Variants in CADM2 observed in about 807,000 individuals in gnomAD.
CADM2 encodes cell adhesion molecule 2, also known as immunoglobulin superfamily member 4D.
CADM2 carries 12 observed loss-of-function variants against 49.8 expected under a neutral mutation model. The ratio of observed to expected loss-of-function variants is 0.24; its 90% CI spans 0.15 to 0.39. The LOEUF is 0.39. Ranked by LOEUF, CADM2 falls within the 10% of genes least tolerant of loss-of-function variation. The pLI is 1.00. For missense variants in CADM2, 378 were observed against 492.3 expected (o/e 0.77, Z 2.20); for synonymous variants, 214 against 175.4 (o/e 1.22, Z -1.74).
intron 9 of CADM2, among the ~76,000 whole-genome samples, chr3:86,066,258 G>C (rs1284242865): frequency 6.7e-6 from 1 of 149,110 alleles, no homozygotes; most frequent in Non-Finnish European, 1.5e-5. Flanking sequence ...GCTTGAACCC[G>C]GGAGGCGGAG....
intron 1 of CADM2, among the ~76,000 whole-genome samples, chr3:85,112,108 T>TG (rs1423745094): frequency 6.6e-6 from 1 of 151,886 alleles, no homozygotes; most frequent in African/African-American, 2.4e-5. Flanking sequence ...GTTACAAAGT[T>TG]ATAGATCAAG....
chr3:85,004,308 AT>A (rs1307911641), intron 1 of CADM2, among the ~76,000 whole-genome samples: 4 of 152,084 alleles, frequency 2.6e-5, no homozygotes, highest in Non-Finnish European at 4.4e-5. Flanking sequence ...TTCGAGTATT[AT>A]TTTCCACTAT....
chr3:85,761,787 T>C (rs988405876), intron 2 of CADM2, among the ~76,000 whole-genome samples: 3 of 152,200 alleles, frequency 2.0e-5, no homozygotes, highest in African/African-American at 7.2e-5. Context: ...CATTGTGCTG[T>C]CTTTCATATA....
chr3:85,663,281 G>A (rs2065466699), intron 1 of CADM2, among the ~76,000 whole-genome samples: 1 of 152,064 alleles, frequency 6.6e-6, no homozygotes, highest in East Asian at 1.9e-4. Flanking sequence ...TAACACACAG[G>A]CTTGCTGCCT....
chr3:86,011,843 A>C (rs1175914917), intron 8 of CADM2, among the ~76,000 whole-genome samples: 3 of 152,152 alleles, frequency 2.0e-5, no homozygotes, highest in African/African-American at 7.2e-5. Flanking sequence ...TAGAAACCAT[A>C]ATGGGAATAT....
intron 2 of CADM2, among the ~76,000 whole-genome samples, chr3:85,732,489 G>A (rs866356791): frequency 3.9e-5 from 6 of 152,060 alleles, no homozygotes; most frequent in South Asian, 2.1e-4. Context: ...GGAAGACCCC[G>A]AGCTAGTACC....
At chr3:85,990,182 A>G (rs557900731) in intron 8 of CADM2, among the ~76,000 whole-genome samples, 38 of 152,114 alleles carry the variant, frequency 2.5e-4, no homozygotes, top group Non-Finnish European at 2.8e-4. Context: ...CACAAAAGTG[A>G]TACACGTCAG....
At chr3:85,648,775 T>C (rs1401321423) in intron 1 of CADM2, among the ~76,000 whole-genome samples, 1 of 152,062 alleles carries the variant, frequency 6.6e-6, no homozygotes, top group Non-Finnish European at 1.5e-5. Context: ...GTTAACATCT[T>C]TTCTTTGGAT....
intron 1 of CADM2, among the ~76,000 whole-genome samples, chr3:85,201,484 G>A (rs2041498918): frequency 6.6e-6 from 1 of 152,186 alleles, no homozygotes; most frequent in African/African-American, 2.4e-5. Flanking sequence ...TAGGATGGTA[G>A]TTGCTGAAGG....
At chr3:85,967,680 G>T (rs1036698121) in intron 8 of CADM2, among the ~76,000 whole-genome samples, 4 of 151,452 alleles carry the variant, frequency 2.6e-5, no homozygotes, top group Non-Finnish European at 5.9e-5. Flanking sequence ...TAGCTAGGCC[G>T]GAAGATTGCC....
At chr3:86,048,852 T>C (rs1476548163) in intron 8 of CADM2, among the ~76,000 whole-genome samples, 2 of 152,084 alleles carry the variant, frequency 1.3e-5, no homozygotes, top group Non-Finnish European at 2.9e-5. Context: ...ATTTTCACAA[T>C]AAATTTTATA....
intron 1 of CADM2, among the ~76,000 whole-genome samples, chr3:85,207,431 A>G (rs550183665): frequency 1.3e-5 from 2 of 152,122 alleles, no homozygotes; most frequent in Non-Finnish European, 2.9e-5. Context: ...GTAAAACGTT[A>G]TATTTTGCAT....
At chr3:85,380,706 G>C (rs2033854716) in intron 1 of CADM2, among the ~76,000 whole-genome samples, 1 of 151,786 alleles carries the variant, frequency 6.6e-6, no homozygotes, top group Non-Finnish European at 1.5e-5. Flanking sequence ...ATTAAGTGTA[G>C]ATATTTGTGA....
Position 86,066,758 on chromosome 3 carries a change from A to G in CADM2, c.1190A>G (p.Glu397Gly), listed in dbSNP as rs549712086. ...GCTGAAGGCAGCCAAGTCAATGCTG[A>G]AGAGAAAAAAGAGTATTTCATTTAA... is the stretch of plus-strand genomic sequence containing the variant. ...INAEGSQVNA[E>G]EKKEYFI The change falls in exon 10 of 10, where the codon GAA (glutamate) becomes GGA (glycine). Residue 397 changes from glutamate (E) to glycine (G), a missense_variant. Coordinates refer to ENST00000383699, the MANE Select transcript of CADM2 (RefSeq NM_001167675.2). 1 of 1,611,886 alleles carries G rather than the reference A, an allele frequency of 6.2e-7. No individual in the cohort carries two copies. The highest frequency in any genetic ancestry group is 2.2e-5 in the East Asian group (1 of 44,842).
chr3:85,121,893 C>G (rs1342157166), intron 1 of CADM2, among the ~76,000 whole-genome samples: 1 of 152,086 alleles, frequency 6.6e-6, no homozygotes, highest in Non-Finnish European at 1.5e-5. Context: ...TTTTCCCTCT[C>G]TCACATATAT....
intron 7 of CADM2, among the ~76,000 whole-genome samples, chr3:85,960,070 G>A (rs921725792): frequency 1.3e-5 from 2 of 151,840 alleles, no homozygotes; most frequent in African/African-American, 2.4e-5. Flanking sequence ...TGGGGGAGAA[G>A]ACAAAATACA....
intron 1 of CADM2, among the ~76,000 whole-genome samples, chr3:85,124,636 G>GT (rs1305018258): frequency 1.3e-5 from 2 of 151,968 alleles, no homozygotes; most frequent in Admixed American, 1.3e-4. Flanking sequence ...ACAAAAACAA[G>GT]TAAACAAAGA....
intron 7 of CADM2, among the ~76,000 whole-genome samples, chr3:85,938,876 G>A (rs1207572596): frequency 2.0e-5 from 3 of 151,874 alleles, no homozygotes; most frequent in Non-Finnish European, 4.4e-5. Context: ...GTGGCTATAT[G>A]ATTTCTTTAT....
chr3:85,637,636 T>TAAAATAAAATAAAATAAAATA (rs373000793), intron 1 of CADM2, among the ~76,000 whole-genome samples: 110 of 147,620 alleles, frequency 7.5e-4, no homozygotes, highest in African/African-American at 2.0e-3. Flanking sequence ...TAAAATAAAA[T>TAAAATAAAATAAAATAAAATA]AAATAAATAA....
Sources: allele counts gnomAD v4.1 joint callset (sites outside exome capture counted in the v4.1 genomes callset), GRCh38; gene constraint gnomAD v4.1.1; transcripts MANE v1.5; gene names NCBI Gene and HGNC (gene_info 2026-07-23, HGNC 2026-07-21).